The following TYW1B variants were observed in gnomAD, a reference collection of about 807,000 sequenced individuals.
TYW1B encodes the protein tRNA-yW synthesizing protein 1 homolog B.
Under a neutral mutation model 86.9 loss-of-function variants are expected in TYW1B, and 73 were observed. The observed-to-expected ratio is 0.84, with a 90% CI of 0.70 to 1.02. TYW1B has a LOEUF of 1.02. TYW1B is among the 50% of genes least tolerant of loss of function. TYW1B has a pLI of 0.00. For synonymous variants in TYW1B, 248 were observed against 292.8 expected (o/e 0.85, Z 1.56); for missense variants, 637 against 827.4 (o/e 0.77, Z 2.82).
intron 3 of TYW1B, among the ~76,000 whole-genome samples, chr7:72,813,534 T>C (rs765501686): frequency 1.3e-5 from 2 of 152,178 alleles, no homozygotes; most frequent in Admixed American, 1.3e-4. Context: ...GTTTAAGCTC[T>C]ACAGTGCAGC....
In TYW1B at chr7:72,597,800, G is replaced by C. The variant is rs532759311; in HGVS notation, c.1785+18872C>G. 3.9e-5 allele frequency among the ~76,000 whole-genome samples: 6 copies of C among 152,132 alleles called. No homozygotes were observed. In the South Asian group the frequency reaches 1.0e-3, roughly 26 times the overall value. On this transcript the variant is annotated intron_variant, in intron 13 of 13. Transcript: ENST00000620995. ...AAAAATGATTCAAGGAGAAAAACTT[G>C]CATCATATTATATCCATTAAAGAAA...
At chr7:72,685,796 A>C (rs1456510596) in intron 11 of TYW1B, among the ~76,000 whole-genome samples, 1 of 152,208 alleles carries the variant, frequency 6.6e-6, no homozygotes, top group Admixed American at 6.6e-5. Context: ...CATGAGAGAA[A>C]AATTTAGTAA....
intron 11 of TYW1B, among the ~76,000 whole-genome samples, chr7:72,659,039 A>C: frequency 6.6e-6 from 1 of 152,184 alleles, no homozygotes; most frequent in Non-Finnish European, 1.5e-5. Context: ...AAGATTTAAA[A>C]AGCATGCATT....
intron 11 of TYW1B, among the ~76,000 whole-genome samples, chr7:72,690,862 C>T (rs1554450210): frequency 6.6e-6 from 1 of 152,094 alleles, no homozygotes; most frequent in African/African-American, 2.4e-5. Flanking sequence ...ATTCTCCTGC[C>T]TCAGCCTCCC....
intron 13 of TYW1B, among the ~76,000 whole-genome samples, chr7:72,592,861 T>G (rs1811428359): frequency 6.6e-6 from 1 of 152,180 alleles, no homozygotes; most frequent in Non-Finnish European, 1.5e-5. Flanking sequence ...TTATAAACAT[T>G]TAGGCACCTC....
chr7:72,596,574 C>T (rs1585835027), intron 13 of TYW1B, among the ~76,000 whole-genome samples: 1 of 152,134 alleles, frequency 6.6e-6, no homozygotes, highest in Non-Finnish European at 1.5e-5. Context: ...TGGAAAAACA[C>T]TACATGCAAA....
chr7:72,584,049 G>GT (rs1258419046), intron 13 of TYW1B, among the ~76,000 whole-genome samples: 1 of 152,136 alleles, frequency 6.6e-6, no homozygotes, highest in Non-Finnish European at 1.5e-5. Context: ...GAGGCTTTTT[G>GT]TTTTGTTTTG....
intron 13 of TYW1B, among the ~76,000 whole-genome samples, chr7:72,579,244 C>T (rs1811094012): frequency 6.6e-6 from 1 of 152,164 alleles, no homozygotes; most frequent in African/African-American, 2.4e-5. Context: ...AACTTCTGCA[C>T]TAAAAGATCT....
chr7:72,584,532 T>C (rs1279977840), intron 13 of TYW1B, among the ~76,000 whole-genome samples: 2 of 151,948 alleles, frequency 1.3e-5, no homozygotes, highest in East Asian at 1.9e-4. Flanking sequence ...CTTGGCTCAC[T>C]GAAACCTCTG....
chr7:72,758,606 T>G (rs1554466673), intron 7 of TYW1B, among the ~76,000 whole-genome samples: 1 of 150,590 alleles, frequency 6.6e-6, no homozygotes, highest in African/African-American at 2.4e-5. Flanking sequence ...TCCACCACCA[T>G]GATTCGCCTT....
At chr7:72,794,850 C>G (rs1788279690) in intron 6 of TYW1B, among the ~76,000 whole-genome samples, 1 of 149,610 alleles carries the variant, frequency 6.7e-6, no homozygotes, top group Non-Finnish European at 1.5e-5. Context: ...CAGGGTCTAA[C>G]TCCCGTCGCC....
chr7:72,666,049 G>A (rs1168170909), intron 11 of TYW1B, among the ~76,000 whole-genome samples: 1 of 152,114 alleles, frequency 6.6e-6, no homozygotes, highest in Non-Finnish European at 1.5e-5. Flanking sequence ...ATAAAGTTAT[G>A]CACATAGTAT....
intron 4 of TYW1B, among the ~76,000 whole-genome samples, chr7:72,810,241 G>A (rs1788580195): frequency 6.6e-6 from 1 of 152,204 alleles, no homozygotes; most frequent in Middle Eastern, 3.2e-3. Context: ...TGGTGCCACT[G>A]CACTCCAGCC....
At chr7:72,825,956 G>C (rs1367873068) in intron 2 of TYW1B, among the ~76,000 whole-genome samples, 2 of 152,186 alleles carry the variant, frequency 1.3e-5, no homozygotes, top group Non-Finnish European at 2.9e-5. Context: ...GAGGGGAAAA[G>C]GCTGGGAGAA....
chr7:72,697,210 C>T (rs1814342731), intron 10 of TYW1B, among the ~76,000 whole-genome samples: 1 of 152,078 alleles, frequency 6.6e-6, no homozygotes. Flanking sequence ...ATTCCAAAGG[C>T]CATACTCCTT....
chr7:72,642,733 T>A (rs1812831710), intron 11 of TYW1B, among the ~76,000 whole-genome samples: 1 of 152,138 alleles, frequency 6.6e-6, no homozygotes, highest in Non-Finnish European at 1.5e-5. Flanking sequence ...AAACTCCATC[T>A]CTACTAAAAA....
chr7:72,603,330 GGA>G (rs1811719936), intron 13 of TYW1B, among the ~76,000 whole-genome samples: 1 of 150,030 alleles, frequency 6.7e-6, no homozygotes, highest in African/African-American at 2.5e-5. Context: ...GATGATGGAT[GGA>G]TGGATGGATG....
chr7:72,822,286 G>A (rs1191637784), intron 2 of TYW1B, among the ~76,000 whole-genome samples: 2 of 150,424 alleles, frequency 1.3e-5, no homozygotes, highest in Non-Finnish European at 3.0e-5. Context: ...CATCCCACAG[G>A]AATCCCAGAA....
At chr7:72,590,215 G>A (rs35696168) in intron 13 of TYW1B, among the ~76,000 whole-genome samples, 536 of 126,960 alleles carry the variant, frequency 4.2e-3, no homozygotes, top group African/African-American at 8.0e-3. Context: ...GTCAATCTCC[G>A]CTCTTAGCTC....
Sources: allele counts gnomAD v4.1 joint callset (sites outside exome capture counted in the v4.1 genomes callset), GRCh38; gene constraint gnomAD v4.1.1; transcripts MANE v1.5; gene names NCBI Gene and HGNC (gene_info 2026-07-23, HGNC 2026-07-21).